DISC1: variants seen among roughly 807,000 people sequenced by gnomAD.
DISC1 encodes the protein DISC1 scaffold protein.
In DISC1, 57 loss-of-function variants were observed where a neutral mutation model predicts 84.5. That is an observed-to-expected ratio of 0.67 (90% CI 0.55 to 0.84). DISC1 has a LOEUF of 0.84. Among genes scored for constraint, DISC1 ranks in the 40% least tolerant of loss-of-function variants. The pLI, the probability that DISC1 is intolerant of heterozygous loss-of-function variation, is 0.00. For missense variants in DISC1, 1,000 were observed against 1,057.8 expected (o/e 0.95, Z 0.76); for synonymous variants, 411 against 415.2 (o/e 0.99, Z 0.12).
chr1:231,949,490 C>T (rs1657924190), intron 9 of DISC1, among the ~76,000 whole-genome samples: 1 of 152,132 alleles, frequency 6.6e-6, no homozygotes, highest in Non-Finnish European at 1.5e-5. Flanking sequence ...CACTTTGTGC[C>T]TCTGCTTGGC....
At chr1:231,802,880 T>C (rs1320716678) in intron 8 of DISC1, among the ~76,000 whole-genome samples, 4 of 152,148 alleles carry the variant, frequency 2.6e-5, no homozygotes, top group Non-Finnish European at 5.9e-5. Flanking sequence ...CTTACTTTTT[T>C]CTATCCTTCA....
At chr1:231,965,424 A>G (rs879622619) in intron 10 of DISC1, among the ~76,000 whole-genome samples, 1 of 152,120 alleles carries the variant, frequency 6.6e-6, no homozygotes, top group Non-Finnish European at 1.5e-5. Context: ...TGGTCATTCC[A>G]TAGAGGCTTT....
intron 1 of DISC1, among the ~76,000 whole-genome samples, chr1:231,668,292 C>T (rs1185687880): frequency 6.6e-6 from 1 of 152,102 alleles, no homozygotes; most frequent in African/African-American, 2.4e-5. Flanking sequence ...TGTTTGTTAG[C>T]TATAGGCATT....
intron 8 of DISC1, among the ~76,000 whole-genome samples, chr1:231,808,085 C>A (rs201446857): frequency 2.0e-5 from 3 of 152,096 alleles, no homozygotes; most frequent in Non-Finnish European, 4.4e-5. Context: ...TTCCTGTAGC[C>A]GTCAAACTTG....
chr1:231,921,150 G>A (rs965775029), intron 9 of DISC1, among the ~76,000 whole-genome samples: 15 of 151,388 alleles, frequency 9.9e-5, no homozygotes, highest in Admixed American at 2.0e-4. Flanking sequence ...TCCTGACCTC[G>A]TGATCTGCCC....
chr1:231,799,548 G>C (rs1393565439), intron 7 of DISC1, among the ~76,000 whole-genome samples: 8 of 151,870 alleles, frequency 5.3e-5, no homozygotes, highest in Non-Finnish European at 8.8e-5. Context: ...TTGCTATTTT[G>C]GGTGGGTAAT....
At chr1:231,654,682 A>G (rs1298638075) in intron 1 of DISC1, among the ~76,000 whole-genome samples, 2 of 152,010 alleles carry the variant, frequency 1.3e-5, no homozygotes, top group African/African-American at 4.8e-5. Context: ...CTTTTTTTAG[A>G]TTACACCTGT....
chr1:231,647,373 T>C (rs904423321), intron 1 of DISC1, among the ~76,000 whole-genome samples: 5 of 152,248 alleles, frequency 3.3e-5, no homozygotes, highest in African/African-American at 9.6e-5. Flanking sequence ...CAGATGGTTG[T>C]AGATGTGTGG....
chr1:232,014,806 C>T (rs1389705143), intron 11 of DISC1, among the ~76,000 whole-genome samples: 1 of 152,194 alleles, frequency 6.6e-6, no homozygotes, highest in African/African-American at 2.4e-5. Flanking sequence ...CAAAACAATT[C>T]TCAGCCTCCC....
chr1:231,774,305 A>G (rs1480034713), intron 6 of DISC1, among the ~76,000 whole-genome samples: 1 of 152,166 alleles, frequency 6.6e-6, no homozygotes, highest in African/African-American at 2.4e-5. Context: ...GAGGGTAGGA[A>G]TAAACCAGAG....
chr1:231,801,716 A>G (rs2079276940), intron 8 of DISC1, among the ~76,000 whole-genome samples: 1 of 152,102 alleles, frequency 6.6e-6, no homozygotes, highest in African/African-American at 2.4e-5. Context: ...ACTCCTGCAT[A>G]TAATGCTATT....
intron 9 of DISC1, among the ~76,000 whole-genome samples, chr1:231,834,368 G>A (rs1025701642): frequency 2.0e-5 from 3 of 152,230 alleles, no homozygotes; most frequent in East Asian, 1.9e-4. Flanking sequence ...GAGGGGACAG[G>A]CAGGAGGGAA....
intron 1 of DISC1, among the ~76,000 whole-genome samples, chr1:231,679,116 G>C (rs1267652084): frequency 3.9e-5 from 6 of 152,236 alleles, no homozygotes; most frequent in Admixed American, 1.3e-4. Context: ...CAGCTTCCTG[G>C]CCAGTTTGTG....
intron 8 of DISC1, 123 bp from the exon 9 acceptor site, chr1:231,818,205 CA>C (rs1289231806): frequency 5.0e-6 from 5 of 1,003,016 alleles, no homozygotes; most frequent in Non-Finnish European, 6.3e-6. Context: ...GGAAATTGTA[CA>C]TAATCTCAAA....
intron 9 of DISC1, among the ~76,000 whole-genome samples, chr1:231,833,633 G>T (rs909328022): frequency 1.3e-5 from 2 of 152,138 alleles, no homozygotes; most frequent in Non-Finnish European, 2.9e-5. Context: ...TGGGCTGCGG[G>T]CATTCCTTGG....
intron 9 of DISC1, among the ~76,000 whole-genome samples, chr1:231,880,757 G>T (rs528407294): frequency 1.3e-3 from 2 of 1,510 alleles, no homozygotes; most frequent in South Asian, 0.025. Context: ...AAGGCAAGGT[G>T]GGGGGGGGGT....
At position 231,983,217 on chromosome 1, in the gene DISC1, T is replaced by C. The variant is rs188512094; in HGVS notation, c.2042+24329T>C. ...CACCCTCCATGATGCCAAGGAAAGC[T>C]GTTCATAGGGAGTTGTTTCACCAGT... On this transcript the variant is annotated intron_variant, in intron 10 of 12. Coordinates refer to ENST00000439617, the MANE Select transcript of DISC1 (RefSeq NM_018662.3). Among the ~76,000 whole-genome samples the C allele has an allele frequency of 6.6e-5, 10 of 152,042 alleles. No individual in the cohort carries two copies. In the East Asian group the frequency reaches 1.6e-3, roughly 24 times the overall value.
intron 3 of DISC1, among the ~76,000 whole-genome samples, chr1:231,733,355 A>T (rs1479280188): frequency 1.8e-5 from 2 of 110,948 alleles, no homozygotes; most frequent in Non-Finnish European, 3.6e-5. Context: ...TTGCAGTAGG[A>T]GTGGTGGTAG....
chr1:231,765,206 A>AAAAG (rs2076077886), intron 4 of DISC1, among the ~76,000 whole-genome samples: 1 of 151,582 alleles, frequency 6.6e-6, no homozygotes. Flanking sequence ...AAAAAAAAAA[A>AAAAG]AAAAAAAAAA....
Sources: allele counts gnomAD v4.1 joint callset (sites outside exome capture counted in the v4.1 genomes callset), GRCh38; gene constraint gnomAD v4.1.1; transcripts MANE v1.5; gene names NCBI Gene and HGNC (gene_info 2026-07-23, HGNC 2026-07-21).